The following ZRANB3 variants were observed in gnomAD, a reference collection of about 807,000 sequenced individuals.
ZRANB3 encodes DNA annealing helicase and endonuclease ZRANB3.
Under a neutral mutation model 133.8 loss-of-function variants are expected in ZRANB3, and 125 were observed. The observed-to-expected ratio is 0.93, with a 90% CI of 0.81 to 1.08. ZRANB3 has a LOEUF of 1.08. ZRANB3 is among the 50% of genes least tolerant of loss of function. The pLI is 0.00. For missense variants in ZRANB3, 1,229 were observed against 1,275.5 expected, an observed-to-expected ratio of 0.96 and a Z score of 0.56; for synonymous variants, 387 against 432.7, an observed-to-expected ratio of 0.89 and a Z score of 1.31.
At chr2:135,429,696 CA>C (rs774583692) in intron 2 of ZRANB3, among the ~76,000 whole-genome samples, 3 of 151,992 alleles carry the variant, frequency 2.0e-5, no homozygotes, top group Non-Finnish European at 4.4e-5. Flanking sequence ...ACTGGAAAAA[CA>C]AAAACTTCAA....
intron 12 of ZRANB3, among the ~76,000 whole-genome samples, chr2:135,238,487 G>A (rs915916452): frequency 2.0e-5 from 3 of 150,034 alleles, no homozygotes; most frequent in African/African-American, 7.4e-5. Context: ...TCCGCCTCCC[G>A]AAAGTAGCTG....
At chr2:135,385,416 C>T (rs371429383) in intron 3 of ZRANB3, among the ~76,000 whole-genome samples, 1 of 152,070 alleles carries the variant, frequency 6.6e-6, no homozygotes, top group Non-Finnish European at 1.5e-5. Flanking sequence ...CCCATACTGC[C>T]CAAGGTAATT....
At chr2:135,266,214 GA>G (rs1186125947) in intron 11 of ZRANB3, among the ~76,000 whole-genome samples, 1 of 152,048 alleles carries the variant, frequency 6.6e-6, no homozygotes, top group Non-Finnish European at 1.5e-5. Context: ...CAAAAAAGCT[GA>G]CCAGCATTAA....
chr2:135,521,950 C>T (rs1288742431), intron 1 of ZRANB3, among the ~76,000 whole-genome samples: 2 of 152,070 alleles, frequency 1.3e-5, no homozygotes, highest in Non-Finnish European at 2.9e-5. Flanking sequence ...CCATGGGGAG[C>T]CATGGGCGGC....
intron 12 of ZRANB3, among the ~76,000 whole-genome samples, chr2:135,247,723 A>G (rs908777779): frequency 3.9e-5 from 6 of 152,026 alleles, no homozygotes; most frequent in African/African-American, 1.4e-4. Context: ...TAAAATTCCA[A>G]TCAGCTACCA....
At chr2:135,463,549 C>T (rs555648581) in intron 2 of ZRANB3, among the ~76,000 whole-genome samples, 3 of 152,108 alleles carry the variant, frequency 2.0e-5, no homozygotes, top group Admixed American at 1.3e-4. Flanking sequence ...TCCTGAATAG[C>T]TGGGATTCCA....
At chr2:135,317,582 G>A (rs1464527931) in intron 6 of ZRANB3, among the ~76,000 whole-genome samples, 2 of 152,094 alleles carry the variant, frequency 1.3e-5, no homozygotes, top group African/African-American at 4.8e-5. Flanking sequence ...TAACCACATA[G>A]GCCACACTTG....
At chr2:135,274,837 A>G (rs1484405004) in intron 9 of ZRANB3, among the ~76,000 whole-genome samples, 1 of 152,166 alleles carries the variant, frequency 6.6e-6, no homozygotes, top group Admixed American at 6.5e-5. Flanking sequence ...CTTAACGAGC[A>G]TGCTGCCTTC....
chr2:135,511,932 C>T lies in ZRANB3; in HGVS notation c.-7-7436G>A. The stretch of plus-strand genomic sequence containing the variant: ...ACCCAACCAGCAGGGGACTAGCCTT[C>T]TCCATCACCATTGCTTTGGTCAATT... On this transcript the variant is annotated intron_variant, in intron 1 of 20. Transcript: ENST00000264159. 4.0e-6 allele frequency: 3 copies of T among 755,936 alleles called. No homozygotes were observed. The South Asian group carries it at 4.1e-5, about 10-fold the overall frequency. The allele number at this position is 755,936 out of a possible 1,614,324, so 46.8% of individuals were successfully genotyped here.
chr2:135,455,052 T>G (rs143017385), intron 2 of ZRANB3, among the ~76,000 whole-genome samples: 1 of 152,068 alleles, frequency 6.6e-6, no homozygotes, highest in African/African-American at 2.4e-5. Context: ...ACAAGAGGTA[T>G]ATATAACTTA....
intron 3 of ZRANB3, among the ~76,000 whole-genome samples, chr2:135,364,574 C>T (rs1009375244): frequency 2.0e-5 from 3 of 151,900 alleles, no homozygotes; most frequent in African/African-American, 7.3e-5. Flanking sequence ...ATGGTGAAAC[C>T]CCACCTTTAC....
intron 3 of ZRANB3, among the ~76,000 whole-genome samples, chr2:135,372,377 G>A (rs1368306887): frequency 2.6e-5 from 4 of 152,076 alleles, no homozygotes; most frequent in Admixed American, 1.3e-4. Flanking sequence ...TTTTGTTATA[G>A]GAGTCAGATG....
chr2:135,505,152 A>G (rs900601095), intron 1 of ZRANB3, among the ~76,000 whole-genome samples: 2 of 152,170 alleles, frequency 1.3e-5, no homozygotes, highest in African/African-American at 4.8e-5. Flanking sequence ...AATGTCATAT[A>G]TCTGTAAATT....
At chr2:135,420,423 C>A (rs1033053435) in intron 2 of ZRANB3, among the ~76,000 whole-genome samples, 4 of 151,960 alleles carry the variant, frequency 2.6e-5, no homozygotes, top group Non-Finnish European at 5.9e-5. Context: ...AACCCAGGAT[C>A]TTTGTAACTT....
chr2:135,488,881 G>C (rs1574189483), intron 2 of ZRANB3, among the ~76,000 whole-genome samples: 1 of 149,752 alleles, frequency 6.7e-6, no homozygotes, highest in African/African-American at 2.5e-5. Flanking sequence ...ATACTATATA[G>C]CATACTATAT....
At chr2:135,430,336 C>G (rs751580948) in intron 2 of ZRANB3, among the ~76,000 whole-genome samples, 9 of 151,478 alleles carry the variant, frequency 5.9e-5, no homozygotes, top group Non-Finnish European at 1.3e-4. Context: ...ACATAAGGTA[C>G]ATATGTTAAG....
At chr2:135,428,793 T>C (rs1280944982) in intron 2 of ZRANB3, among the ~76,000 whole-genome samples, 1 of 152,158 alleles carries the variant, frequency 6.6e-6, no homozygotes, top group East Asian at 1.9e-4. Flanking sequence ...ATCCTCAACA[T>C]CACTAATTAT....
At chr2:135,446,417 T>C (rs1690026249) in intron 2 of ZRANB3, among the ~76,000 whole-genome samples, 1 of 151,502 alleles carries the variant, frequency 6.6e-6, no homozygotes, top group African/African-American at 2.4e-5. Flanking sequence ...CAGGAGGAGG[T>C]GTTAGAAATT....
intron 9 of ZRANB3, among the ~76,000 whole-genome samples, chr2:135,272,770 C>T (rs1021485959): frequency 2.0e-5 from 3 of 152,062 alleles, no homozygotes; most frequent in African/African-American, 7.2e-5. Flanking sequence ...GGCACTGAGG[C>T]ACCCACACAC....
Sources: allele counts gnomAD v4.1 joint callset (sites outside exome capture counted in the v4.1 genomes callset), GRCh38; gene constraint gnomAD v4.1.1; transcripts MANE v1.5; gene names NCBI Gene and HGNC (gene_info 2026-07-23, HGNC 2026-07-21).